Variants in LSR observed in about 807,000 individuals in gnomAD.
LSR encodes lipolysis stimulated lipoprotein receptor, also known as lipolysis-stimulated lipoprotein receptor.
A neutral mutation model predicts 61.8 loss-of-function variants in LSR; 44 were observed. That is an observed-to-expected ratio of 0.71 (90% CI 0.56 to 0.91). The LOEUF (loss-of-function observed/expected upper bound fraction) is 0.91, where lower values mean the gene tolerates loss of function less well. Ranked by LOEUF, LSR falls within the 40% of genes least tolerant of loss-of-function variation. The pLI is 0.00. For missense variants in LSR, 911 were observed against 830.5 expected (o/e 1.10, Z -1.19); for synonymous variants, 397 against 350.6 (o/e 1.13, Z -1.48).
At chr19:35,260,080 G>C (rs1027721832) in intron 3 of LSR, among the ~76,000 whole-genome samples, 4 of 152,166 alleles carry the variant, frequency 2.6e-5, no homozygotes, top group Non-Finnish European at 5.9e-5. Context: ...GTTCATGTGT[G>C]GGGGATGGAA....
At chr19:35,260,793 C>G (rs1011218397) in intron 3 of LSR, among the ~76,000 whole-genome samples, 3 of 152,024 alleles carry the variant, frequency 2.0e-5, no homozygotes, top group Non-Finnish European at 4.4e-5. Context: ...TGCTACTGCA[C>G]TCTAGCATGA....
chr19:35,254,149 A>T (rs2145500578), intron 2 of LSR, among the ~76,000 whole-genome samples: 1 of 152,250 alleles, frequency 6.6e-6, no homozygotes, highest in Admixed American at 6.5e-5. Context: ...GCTGGAGTGC[A>T]GTGGTGCAAT....
intron 1 of LSR, among the ~76,000 whole-genome samples, chr19:35,249,597 C>A (rs1195338229): frequency 6.6e-6 from 1 of 152,032 alleles, no homozygotes; most frequent in Non-Finnish European, 1.5e-5. Context: ...CTGGGGACTC[C>A]CCATCCCCCG....
intron 3 of LSR, among the ~76,000 whole-genome samples, chr19:35,260,076 G>T (rs900008303): frequency 1.3e-5 from 2 of 152,336 alleles, no homozygotes; most frequent in Middle Eastern, 3.4e-3. Context: ...CAGAGTTCAT[G>T]TGTGGGGGAT....
intron 6 of LSR, 70 bp downstream of exon 6, chr19:35,266,602 TGGAA>T (rs1243799441): frequency 6.2e-7 from 1 of 1,601,900 alleles, no homozygotes; most frequent in Non-Finnish European, 8.5e-7. Context: ...GGGCAGGGGC[TGGAA>T]GGAAGAGTGT....
At chr19:35,263,402 T>C (rs1206671712) in intron 5 of LSR, among the ~76,000 whole-genome samples, 1 of 152,182 alleles carries the variant, frequency 6.6e-6, no homozygotes, top group African/African-American at 2.4e-5. Flanking sequence ...CATTCTGTCA[T>C]CCAGGCAGTG....
intron 2 of LSR, among the ~76,000 whole-genome samples, chr19:35,256,361 GA>G (rs1160544914): frequency 6.6e-6 from 1 of 152,068 alleles, no homozygotes; most frequent in African/African-American, 2.4e-5. Context: ...TACCTTTTAT[GA>G]AAAAAATAAT....
chr19:35,250,885 T>C (rs2065785616), intron 2 of LSR, among the ~76,000 whole-genome samples: 1 of 148,416 alleles, frequency 6.7e-6, no homozygotes, highest in African/African-American at 2.5e-5. Flanking sequence ...AACCTCCACC[T>C]CCCAGGTTCA....
intron 3 of LSR, among the ~76,000 whole-genome samples, chr19:35,260,654 C>T (rs932743634): frequency 1.3e-5 from 2 of 152,082 alleles, no homozygotes; most frequent in Non-Finnish European, 2.9e-5. Context: ...TGGCAAGACC[C>T]TGACTCTACA....
rs1021196120 is a variant in LSR at position 35,257,584 on chromosome 19, C to T, written c.455-1361C>T. Among the ~76,000 whole-genome samples the T allele has an allele frequency of 9.2e-5, 14 of 152,178 alleles. 1 individual carries two copies. Among genetic ancestry groups the T allele is most frequent in the East Asian group, 3.9e-4 (2 of 5,166 alleles). On this transcript the variant is annotated intron_variant, in intron 2 of 9. Transcript: ENST00000605618. ...GGACTGCAGCACGCGTGGTTGCTGC[C>T]GTCACAGAGCTGTCATGCAGGAGGG...
At position 35,267,150 on chromosome 19, in the gene LSR, T is replaced by C. The variant is rs760658277; in HGVS notation, c.1186T>C (p.Ser396Pro). Reference protein sequence around the residue: ...VTSLHEDDWRSRPSRGPALTP... With the variant: ...VTSLHEDDWRPRPSRGPALTP... ...CTCCCTCCACGAGGACGACTGGCGA[T>C]CTCGGCCTTCCCGGGGCCCTGCCCT... is the stretch of plus-strand genomic sequence containing the variant. The change falls in exon 9 of 10, where the codon TCT (serine) becomes CCT (proline). Residue 396 changes from serine (S) to proline (P), a missense_variant. Ser to Pro is a moderately conservative substitution (Grantham distance 74). Transcript: ENST00000605618. 1.3e-6 allele frequency: 2 copies of C among 1,529,274 alleles called. No individual in the cohort carries two copies. Among genetic ancestry groups the C allele is most frequent in the East Asian group, 2.3e-5 (1 of 44,214 alleles). The allele number at this position is 1,529,274 out of a possible 1,614,324, so 94.7% of individuals were successfully genotyped here.
chr19:35,266,938 C>G lies in LSR; in HGVS notation c.1115C>G (p.Pro372Arg), dbSNP rs200768555. 404 of 1,613,720 alleles carry G rather than the reference C, an allele frequency of 2.5e-4. 1 individual carries two copies. The highest frequency in any genetic ancestry group is 1.3e-3 in the Admixed American group (77 of 59,972). Residue 372 changes from proline to arginine, a missense_variant, in exon 8 of 10, where the codon CCT (proline) becomes CGT (arginine). Physicochemically the swap from Pro to Arg is moderately radical, Grantham distance 103. Transcript: ENST00000605618. ...CTGGCCAACTTCGACCCTTCTCGAC[C>G]TGGCCCCCCCAGTGGCCGTGTGGAG... ...KELANFDPSRPGPPSGRVERA... is the reference protein window; with the variant it reads ...KELANFDPSRRGPPSGRVERA...
In LSR at chr19:35,267,164, G is replaced by T. The variant is rs1568448884; in HGVS notation, c.1200G>T (p.Arg400=). The change falls in exon 9 of 10, where the codon CGG becomes CGT. Residue 400 remains arginine, a synonymous_variant. Coordinates refer to ENST00000605618, the MANE Select transcript of LSR (RefSeq NM_205834.4). ...HEDDWRSRPS[R]GPALTPIRDE... ...ACGACTGGCGATCTCGGCCTTCCCG[G>T]GGCCCTGCCCTCACCCCGATCCGGG... 6.5e-7 allele frequency: 1 copy of T among 1,529,406 alleles called. No individual in the cohort carries two copies. Among genetic ancestry groups the T allele is most frequent in the Non-Finnish European group, 8.8e-7 (1 of 1,142,662 alleles). 94.7% of individuals were successfully genotyped at this position (1,529,406 alleles called of 1,614,324 possible).
chr19:35,250,735 A>C (rs2065783418), intron 2 of LSR, 76 bp downstream of exon 2: 1 of 1,165,608 alleles, frequency 8.6e-7, no homozygotes, highest in Admixed American at 2.8e-5. Context: ...CGGGACCTGG[A>C]GTCCCCATCT....
intron 2 of LSR, among the ~76,000 whole-genome samples, chr19:35,255,512 G>A (rs1031615338): frequency 2.0e-5 from 3 of 152,146 alleles, no homozygotes; most frequent in African/African-American, 7.2e-5. Context: ...AGCACTTTGG[G>A]AGGCTGAGGC....
Position 35,267,685 on chromosome 19 carries a change from C to T in LSR, c.1721C>T (p.Pro574Leu). 1 of 1,604,590 alleles carries T rather than the reference C, an allele frequency of 6.2e-7. No homozygotes were observed. The part of the protein sequence containing the change: ...EEAYYPPAPP[P>L]YSETDSQASR... ...GCCTACTACCCGCCCGCGCCGCCCC[C>T]GTACTCGGAGACCGACTCGCAGGCG... Residue 574 changes from proline (P) to leucine (L), a missense_variant, in exon 9 of 10, where the codon CCG becomes CTG. Coordinates refer to ENST00000605618, the MANE Select transcript of LSR (RefSeq NM_205834.4).
chr19:35,267,004 T>G (rs769468366), intron 8 of LSR, 37 bp downstream of exon 8: 4 of 1,585,900 alleles, frequency 2.5e-6, no homozygotes, highest in Non-Finnish European at 3.4e-6. Context: ...GCTTTTAAGG[T>G]GGGGGGGTGA....
At position 35,258,256 on chromosome 19, in the gene LSR, G is replaced by A. The variant is rs188415438; in HGVS notation, c.455-689G>A. On this transcript the variant is annotated intron_variant, in intron 2 of 9. Transcript: ENST00000605618. ...AGGTCTGGAGTTCAAAACCAACTTG[G>A]TCAACATGGCGAAACTCCATCTCTA... Among the ~76,000 whole-genome samples the A allele has an allele frequency of 2.9e-4, 44 of 152,212 alleles. No individual in the cohort carries two copies. The East Asian group carries it at 8.1e-3, about 28-fold the overall frequency.
In LSR at chr19:35,250,476, G is replaced by A. The variant is rs139830217; in HGVS notation, c.271G>A (p.Ala91Thr). 1.7e-5 allele frequency: 28 copies of A among 1,614,104 alleles called. No homozygotes were observed. In the African/African-American group the frequency reaches 3.2e-4, roughly 18 times the overall value. The change falls in exon 2 of 10, where the codon GCC (alanine) becomes ACC (threonine). Residue 91 changes from alanine to threonine, a missense_variant. By Grantham distance (58) the Ala-to-Thr change is moderately conservative. Coordinates refer to ENST00000605618, the MANE Select transcript of LSR (RefSeq NM_205834.4). ...KSFCRDRIAD[A>T]FSPASVDNQL... The stretch of plus-strand genomic sequence containing the variant: ...TTTCTGCCGGGACCGCATCGCCGAT[G>A]CCTTCTCCCCGGCCAGCGTCGACAA...
Sources: allele counts gnomAD v4.1 joint callset (sites outside exome capture counted in the v4.1 genomes callset), GRCh38; gene constraint gnomAD v4.1.1; transcripts MANE v1.5; gene names NCBI Gene and HGNC (gene_info 2026-07-23, HGNC 2026-07-21).